Variants in CDH23 observed in about 807,000 individuals in gnomAD.
CDH23 encodes cadherin-23.
In CDH23, 189 loss-of-function variants were observed where a neutral mutation model predicts 317.1. That is an observed-to-expected ratio of 0.60 (90% confidence interval 0.53 to 0.67). The LOEUF is 0.67. CDH23 is among the 30% of genes least tolerant of loss of function. CDH23 has a pLI of 0.00. For missense variants in CDH23, 4,401 were observed against 4,592.4 expected, an observed-to-expected ratio of 0.96 and a Z score of 1.20; for synonymous variants, 1,839 against 1,876.8, an observed-to-expected ratio of 0.98 and a Z score of 0.52.
rs1343955512 is a variant in CDH23, at chr10:71,807,862, C to T, written c.8577C>T (p.Ala2859=). The change falls in exon 60 of 70, where the codon GCC becomes GCT. Residue 2859 remains alanine, a synonymous_variant. Coordinates refer to ENST00000224721, the MANE Select transcript of CDH23 (RefSeq NM_022124.6). ...TTCCTGCAGGGGTGGCCACCGACGC[C>T]AAGGTGGGCTCAGAGTTGATCCAGG... ...AEYTAGVATD[A]KVGSELIQVL... The T allele has an allele frequency of 3.7e-6, 6 of 1,603,100 alleles. No individual in the cohort carries two copies. Among genetic ancestry groups the T allele is most frequent in the African/African-American group, 2.7e-5 (2 of 74,728 alleles).
chr10:71,516,744 A>C (rs1281401705), intron 6 of CDH23, among the ~76,000 whole-genome samples: 1 of 152,174 alleles, frequency 6.6e-6, no homozygotes, highest in Non-Finnish European at 1.5e-5. Flanking sequence ...AAAGCTAGTC[A>C]AAGGGATGGA....
At position 71,706,950 on chromosome 10, in the gene CDH23, T is replaced by C; in HGVS notation, c.3007T>C (p.Ser1003Pro). 6.2e-7 allele frequency: 1 copy of C among 1,607,672 alleles called. No individual in the cohort carries two copies. The highest frequency in any genetic ancestry group is 1.1e-5 in the South Asian group (1 of 89,560). The part of the protein sequence containing the change: ...PTFFPAVYNV[S>P]VSEDVPREFR... ...CTTCTTCCCGGCCGTGTACAATGTG[T>C]CTGTGTCCGAGGACGTGCCACGCGA... Residue 1003 changes from serine to proline, a missense_variant, in exon 26 of 70, where the codon TCT (serine) becomes CCT (proline). Ser to Pro is a moderately conservative substitution (Grantham distance 74). Coordinates refer to ENST00000224721, the MANE Select transcript of CDH23 (RefSeq NM_022124.6).
intron 56 of CDH23, 22 bp downstream of exon 56, chr10:71,806,019 A>AGGGGG: frequency 2.4e-6 from 1 of 422,350 alleles, no homozygotes. Flanking sequence ...GCCCGGTGCG[A>AGGGGG]GGGGCGGGGT....
chr10:71,811,171 C>T lies in CDH23; in HGVS notation c.9078-144C>T. ...TGAAGGTTCGAGGAACCTTGTAAAA[C>T]ACAAAGCTGTCCCAGCCGGTGGACC... On this transcript the variant is annotated intron_variant, in intron 62 of 69. Coordinates refer to ENST00000224721, the MANE Select transcript of CDH23 (RefSeq NM_022124.6). The T allele has an allele frequency of 4.4e-6, 5 of 1,129,258 alleles. No individual in the cohort carries two copies. The South Asian group carries it at 5.5e-5, about 12-fold the overall frequency. The allele number at this position is 1,129,258 out of a possible 1,614,324, so 70.0% of individuals were successfully genotyped here.
intron 16 of CDH23, 137 bp from the exon 17 acceptor site, chr10:71,679,250 G>A: frequency 1.5e-6 from 1 of 681,780 alleles, no homozygotes; most frequent in Non-Finnish European, 2.6e-6. Flanking sequence ...CCTGGGCCAG[G>A]ACAAGACCCA....
intron 9 of CDH23, among the ~76,000 whole-genome samples, chr10:71,580,422 G>A (rs1488859846): frequency 6.6e-6 from 1 of 152,244 alleles, no homozygotes; most frequent in Admixed American, 6.5e-5. Flanking sequence ...GAAGGCCTGA[G>A]GCATTCAGCA....
intron 11 of CDH23, among the ~76,000 whole-genome samples, chr10:71,637,414 C>G (rs925621967): frequency 3.3e-5 from 5 of 152,166 alleles, no homozygotes; most frequent in African/African-American, 1.2e-4. Flanking sequence ...CTCTATTGAA[C>G]ACTTATTCCG....
At chr10:71,745,576 G>A (rs1229814511) in intron 38 of CDH23, among the ~76,000 whole-genome samples, 4 of 152,202 alleles carry the variant, frequency 2.6e-5, no homozygotes, top group African/African-American at 9.7e-5. Context: ...GCAAGCAGGG[G>A]TCCTGCAGCC....
intron 66 of CDH23, 70 bp downstream of exon 66, chr10:71,812,085 C>T: frequency 2.5e-6 from 4 of 1,611,868 alleles, no homozygotes; most frequent in Non-Finnish European, 3.4e-6. Flanking sequence ...GGGAGAGCTG[C>T]AGTCTCCCAG....
At chr10:71,610,847 C>T (rs958263168) in intron 9 of CDH23, among the ~76,000 whole-genome samples, 1 of 152,072 alleles carries the variant, frequency 6.6e-6, no homozygotes, top group African/African-American at 2.4e-5. Context: ...CCAGTAATGA[C>T]CTGCTTTTTT....
chr10:71,537,854 A>G (rs1423177924), intron 6 of CDH23, among the ~76,000 whole-genome samples: 1 of 152,128 alleles, frequency 6.6e-6, no homozygotes, highest in South Asian at 2.1e-4. Context: ...TTATCATCTT[A>G]TTTCACAAAC....
At position 71,731,989 on chromosome 10, in the gene CDH23, G is replaced by A. The variant is rs975836593; in HGVS notation, c.3718G>A (p.Asp1240Asn). 3 of 1,613,396 alleles carry A rather than the reference G, an allele frequency of 1.9e-6. No individual in the cohort carries two copies. Among genetic ancestry groups the A allele is most frequent in the Middle Eastern group, 1.7e-4 (1 of 6,060 alleles). The change falls in exon 32 of 70, where the codon GAT becomes AAT. Residue 1240 changes from aspartate to asparagine, a missense_variant and splice_region_variant. This residue lies in a region of CDH23 where 3,068 missense variants were observed against 3,203.3 expected (regional missense o/e 0.96). Transcript: ENST00000224721. ...VVQATDRDSG[D>N]GGLVNYRILS... ...ACAGCCTCTGTGTCCTCCTACAGGGGATGGTGGCCTGGTGAACTACCGCAT... is the reference window on the plus strand; with the variant it reads ...ACAGCCTCTGTGTCCTCCTACAGGGAATGGTGGCCTGGTGAACTACCGCAT...
chr10:71,561,670 G>A (rs949855385), intron 6 of CDH23, among the ~76,000 whole-genome samples: 14 of 152,222 alleles, frequency 9.2e-5, no homozygotes, highest in African/African-American at 3.1e-4. Context: ...AACTGGAAGA[G>A]GCAAGACCTG....
intron 28 of CDH23, 30 bp downstream of exon 28, chr10:71,712,843 G>C (rs949198537): frequency 1.9e-6 from 3 of 1,603,248 alleles, no homozygotes; most frequent in Non-Finnish European, 2.6e-6. Context: ...TGGGGCAGGT[G>C]GTGGGCTGGG....
At chr10:71,425,067 G>A (rs1366668238) in intron 1 of CDH23, among the ~76,000 whole-genome samples, 2 of 151,972 alleles carry the variant, frequency 1.3e-5, no homozygotes, top group African/African-American at 4.8e-5. Flanking sequence ...GGCTCTGCTT[G>A]GGGTGAGAAC....
At chr10:71,749,806 C>A in intron 38 of CDH23, 1 of 152,558 alleles carries the variant, frequency 6.6e-6, no homozygotes. Context: ...TCCCCTTTTC[C>A]ATCCCCCCAA....
rs376332131 is a variant in CDH23, at chr10:71,806,160, G to A, written c.8065-8G>A. The A allele has an allele frequency of 6.4e-6, 10 of 1,555,890 alleles. No individual in the cohort carries two copies. The highest frequency in any genetic ancestry group is 7.0e-6 in the Non-Finnish European group (8 of 1,150,006). On this transcript the variant is annotated splice_polypyrimidine_tract_variant and splice_region_variant and intron_variant, in intron 56 of 69. Coordinates refer to ENST00000224721, the MANE Select transcript of CDH23 (RefSeq NM_022124.6). Reference sequence around the variant, plus strand: ...TCTTTTCCTCTGACTGTGCTCTTCCGCTCCTAGCTCATCTTGGTGGCCAGC... The same window carrying A: ...TCTTTTCCTCTGACTGTGCTCTTCCACTCCTAGCTCATCTTGGTGGCCAGC...
intron 32 of CDH23, among the ~76,000 whole-genome samples, chr10:71,733,615 C>A (rs138473853): frequency 6.6e-6 from 1 of 152,308 alleles, no homozygotes; most frequent in Non-Finnish European, 1.5e-5. Flanking sequence ...TCTTATATCA[C>A]AATGTCACAG....
At chr10:71,456,560 G>T (rs1850706957) in intron 3 of CDH23, among the ~76,000 whole-genome samples, 1 of 152,146 alleles carries the variant, frequency 6.6e-6, no homozygotes, top group African/African-American at 2.4e-5. Context: ...TGTTTTGGAT[G>T]CGGCCATAAT....
Sources: allele counts gnomAD v4.1 joint callset (sites outside exome capture counted in the v4.1 genomes callset), GRCh38; gene constraint gnomAD v4.1.1; regional missense constraint gnomAD v4.1.1; transcripts MANE v1.5; gene names NCBI Gene and HGNC (gene_info 2026-07-23, HGNC 2026-07-21).